ERCC6: variants seen among roughly 807,000 people sequenced by gnomAD.
ERCC6 encodes ERCC excision repair 6, chromatin remodeling factor, also known as DNA excision repair protein ERCC-6.
In ERCC6, 116 loss-of-function variants were observed where a neutral mutation model predicts 158.7. That is an observed-to-expected ratio of 0.73 (90% confidence interval 0.63 to 0.85). The LOEUF (loss-of-function observed/expected upper bound fraction) is 0.85. ERCC6 is among the 40% of genes least tolerant of loss of function. The pLI, the probability that ERCC6 is intolerant of heterozygous loss-of-function variation, is 0.00. For synonymous variants in ERCC6, 678 were observed against 659.3 expected (o/e 1.03, Z -0.43); for missense variants, 1,698 against 1,799.4 (o/e 0.94, Z 1.02).
chr10:49,527,925 T>G (rs1027094652), intron 4 of ERCC6, among the ~76,000 whole-genome samples: 4 of 152,116 alleles, frequency 2.6e-5, no homozygotes, highest in Non-Finnish European at 4.4e-5. Flanking sequence ...TCCCAAAAAG[T>G]TTTCCAAAAG....
At position 49,470,333 on chromosome 10, in the gene ERCC6, A is replaced by G. The variant is rs1850751486; in HGVS notation, c.3627T>C (p.Ser1209=). Reference sequence around the variant, plus strand: ...CAAACTTGGCGTCTCTGCAATGCTTAGAGTTCTTAGGCTTTTGCTTTGGTC... The same window carrying G: ...CAAACTTGGCGTCTCTGCAATGCTTGGAGTTCTTAGGCTTTTGCTTTGGTC... ...HLRPKQKPKN[S]KHCRDAKFEG... is the part of the protein sequence containing the mutation. Residue 1209 remains serine, a synonymous_variant, in exon 18 of 21, where the codon TCT becomes TCC. Transcript: ENST00000355832. 1 of 1,614,128 alleles carries G rather than the reference A, an allele frequency of 6.2e-7. No individual in the cohort carries two copies. The highest frequency in any genetic ancestry group is 1.1e-5 in the South Asian group (1 of 91,084).
At chr10:49,501,773 T>C (rs756556460) in intron 6 of ERCC6, 1 of 151,246 alleles carries the variant, frequency 6.6e-6, no homozygotes, top group Non-Finnish European at 1.5e-5. Flanking sequence ...ATGGGCAACA[T>C]AGTAAGACCT....
chr10:49,469,112 G>A (rs1015332556), intron 18 of ERCC6, among the ~76,000 whole-genome samples: 5 of 152,208 alleles, frequency 3.3e-5, no homozygotes, highest in African/African-American at 1.2e-4. Context: ...ATAACTGACT[G>A]AGGAAAGAAT....
intron 19 of ERCC6, among the ~76,000 whole-genome samples, chr10:49,460,792 G>A (rs557153423): frequency 2.0e-5 from 3 of 152,002 alleles, no homozygotes; most frequent in Non-Finnish European, 2.9e-5. Flanking sequence ...ATGGTGGCGG[G>A]AGCCTGTAAT....
intron 11 of ERCC6, 66 bp from the exon 12 acceptor site, chr10:49,476,376 T>C: frequency 1.9e-6 from 2 of 1,079,770 alleles, no homozygotes; most frequent in Non-Finnish European, 2.8e-6. Flanking sequence ...AATTAAAATA[T>C]CAACAAAACT....
At chr10:49,436,671 G>T in the ERCC6 span, among the ~76,000 whole-genome samples, 3 of 152,150 alleles carry the variant, frequency 2.0e-5, no homozygotes, top group Non-Finnish European at 4.4e-5. Flanking sequence ...AAATCAGCAG[G>T]ATTTCTTATA....
Position 49,472,967 on chromosome 10 carries a change from G to A in ERCC6, c.2771C>T (p.Thr924Met), listed in dbSNP as rs550516110. ...TRVGGLGVNL[T>M]GANRVVIYDP... ...ATAGATGACAACTCTGTTTGCCCCC[G>A]TCAGGTTGACACCTAAGCCGCCCAC... Residue 924 changes from threonine (T) to methionine (M), a missense_variant, in exon 15 of 21, where the codon ACG (threonine) becomes ATG (methionine). Coordinates refer to ENST00000355832, the MANE Select transcript of ERCC6 (RefSeq NM_000124.4). The A allele has an allele frequency of 2.3e-5, 37 of 1,614,058 alleles. No homozygotes were observed. The highest frequency in any genetic ancestry group is 2.6e-5 in the Non-Finnish European group (31 of 1,179,984).
chr10:49,447,787 T>C, the ERCC6 span, among the ~76,000 whole-genome samples: 2 of 152,116 alleles, frequency 1.3e-5, no homozygotes, highest in African/African-American at 2.4e-5. Context: ...TTTCTGTCTA[T>C]AGAATTCCCT....
At chr10:49,527,547 G>A (rs2132629484) in intron 4 of ERCC6, among the ~76,000 whole-genome samples, 1 of 152,320 alleles carries the variant, frequency 6.6e-6, no homozygotes, top group African/African-American at 2.4e-5. Context: ...ATGGTGGTAT[G>A]CGCCTGTAAT....
upstream of ERCC6, chr10:49,539,516 C>G (rs1837686878): frequency 6.6e-6 from 1 of 152,304 alleles, no homozygotes; most frequent in Admixed American, 6.5e-5. Flanking sequence ...CTTCTCTGTT[C>G]CCCCTCCGCC....
rs1837392845 is a variant in ERCC6 at position 49,528,477 on chromosome 10, T to C, written c.592A>G (p.Ile198Val). 3.7e-6 allele frequency: 6 copies of C among 1,614,224 alleles called. No individual in the cohort carries two copies. In the African/African-American group the frequency reaches 4.0e-5, roughly 11 times the overall value. ...ATTTTCACCTCTGCTCCTCCAAGGATGGCCTGGAGATGCTTTTGTTTTGCA... is the reference window on the plus strand; with the variant it reads ...ATTTTCACCTCTGCTCCTCCAAGGACGGCCTGGAGATGCTTTTGTTTTGCA... ...ITAKQKHLQA[I>V]LGGAEVKIEL... The change falls in exon 4 of 21, where the codon ATC becomes GTC. Residue 198 changes from isoleucine to valine, a missense_variant. Transcript: ENST00000355832.
chr10:49,528,132 T>A (rs1837383540), intron 4 of ERCC6, among the ~76,000 whole-genome samples: 1 of 152,202 alleles, frequency 6.6e-6, no homozygotes, highest in Non-Finnish European at 1.5e-5. Context: ...CTTTATCAAA[T>A]TAACAAAATA....
At chr10:49,476,055 G>A (rs1246760387) in intron 12 of ERCC6, among the ~76,000 whole-genome samples, 160 bp downstream of exon 12, 1 of 152,190 alleles carries the variant, frequency 6.6e-6, no homozygotes, top group Non-Finnish European at 1.5e-5. Flanking sequence ...TACGGCTCCA[G>A]GCCATAGGCT....
At chr10:49,495,455 G>C (rs1851251146) in intron 7 of ERCC6, among the ~76,000 whole-genome samples, 1 of 152,026 alleles carries the variant, frequency 6.6e-6, no homozygotes, top group Non-Finnish European at 1.5e-5. Flanking sequence ...TTACTCCACT[G>C]TATACACTAC....
intron 18 of ERCC6, among the ~76,000 whole-genome samples, chr10:49,462,520 G>GA (rs894212415): frequency 2.0e-5 from 3 of 151,582 alleles, no homozygotes; most frequent in East Asian, 1.9e-4. Flanking sequence ...TGTTTCATAG[G>GA]AAAAAAATCA....
chr10:49,451,325 G>GAA (rs1245393707), downstream of ERCC6, among the ~76,000 whole-genome samples: 2 of 151,958 alleles, frequency 1.3e-5, no homozygotes, highest in Non-Finnish European at 2.9e-5. Context: ...ATGTTAAATA[G>GAA]AAGTGTGATA....
intron 2 of ERCC6, among the ~76,000 whole-genome samples, chr10:49,532,216 G>A (rs4253014): frequency 1.3e-5 from 2 of 152,132 alleles, no homozygotes; most frequent in African/African-American, 2.4e-5. Flanking sequence ...CTGGCATCTC[G>A]AATAGGAAAC....
rs948909155 is a variant in ERCC6 at position 49,476,238 on chromosome 10, T to C, written c.2359A>G (p.Arg787Gly). Reference protein sequence around the residue: ...QNFVDSKEVYRILNGEMQIFS... With the variant: ...QNFVDSKEVYGILNGEMQIFS... ...ACCTGCATCTCTCCATTGAGAATCC[T>C]GTAAACTTCTTTGGAATCAACGAAA... Residue 787 changes from arginine (R) to glycine (G), a missense_variant, in exon 12 of 21, where the codon AGG becomes GGG. Transcript: ENST00000355832. 1 of 1,613,558 alleles carries C rather than the reference T, an allele frequency of 6.2e-7. No individual in the cohort carries two copies. The highest frequency in any genetic ancestry group is 8.5e-7 in the Non-Finnish European group (1 of 1,179,612).
At position 49,458,050 on chromosome 10, in the gene ERCC6, G is replaced by C. The variant is rs1008324352; in HGVS notation, c.*765C>G. On this transcript the variant is annotated 3_prime_UTR_variant, in exon 21 of 21. Transcript: ENST00000355832. ...GTGATGTTTGTGTGCATGCATGTGT[G>C]TGGTTTTTATGTACCTACTTTTGGC... 6.6e-6 allele frequency: 1 copy of C among 152,284 alleles called. No homozygotes were observed. The highest frequency in any genetic ancestry group is 1.5e-5 in the Non-Finnish European group (1 of 68,092). The allele number at this position is 152,284 out of a possible 1,614,324, so 9.4% of individuals were successfully genotyped here.
Sources: allele counts gnomAD v4.1 joint callset (sites outside exome capture counted in the v4.1 genomes callset), GRCh38; gene constraint gnomAD v4.1.1; transcripts MANE v1.5; gene names NCBI Gene and HGNC (gene_info 2026-07-23, HGNC 2026-07-21).